The following GFRA1 variants were observed in gnomAD, a reference collection of about 807,000 sequenced individuals.
GFRA1 encodes GDNF family receptor alpha-1.
Under a neutral mutation model 51.6 loss-of-function variants are expected in GFRA1, and 16 were observed. The ratio of observed to expected loss-of-function variants is 0.31; its 90% CI spans 0.21 to 0.47. The LOEUF is 0.47. GFRA1 is among the 20% of genes least tolerant of loss of function. The pLI is 1.00. For missense variants in GFRA1, 530 were observed against 594.3 expected (o/e 0.89, Z 1.13); for synonymous variants, 270 against 241.3 (o/e 1.12, Z -1.10).
chr10:116,062,500 A>G lies in GFRA1; in HGVS notation c.*1898T>C, dbSNP rs1954864576. The G allele has an allele frequency of 5.8e-6, 1 of 170,942 alleles. No homozygotes were observed. Among genetic ancestry groups the G allele is most frequent in the African/African-American group, 2.4e-5 (1 of 42,310 alleles). 10.6% of individuals were successfully genotyped at this position (170,942 alleles called of 1,614,324 possible). ...ATTTGGACACAAATATACTTTTAACACCAATAGAGCTGAAAGACTATGCCT... is the reference window on the plus strand; with the variant it reads ...ATTTGGACACAAATATACTTTTAACGCCAATAGAGCTGAAAGACTATGCCT... On this transcript the variant is annotated 3_prime_UTR_variant, in exon 11 of 11. Coordinates refer to ENST00000355422, the MANE Select transcript of GFRA1 (RefSeq NM_005264.8).
In GFRA1 at chr10:116,064,013, A is replaced by G. The variant is rs192611657; in HGVS notation, c.*385T>C. ...AATATTAACTCCTTCTCTAGCTAGG[A>G]AAGGCCAGAAGTAAAACTGTTAAAA... On this transcript the variant is annotated 3_prime_UTR_variant, in exon 11 of 11. Transcript: ENST00000355422. The G allele has an allele frequency of 5.3e-4, 100 of 189,818 alleles. No homozygotes were observed. Among genetic ancestry groups the G allele is most frequent in the Non-Finnish European group, 8.7e-4 (80 of 91,502 alleles). The allele number at this position is 189,818 out of a possible 1,614,324, so 11.8% of individuals were successfully genotyped here.
rs369591479 is a variant in GFRA1, at chr10:116,113,516, T to G, written c.770+11705A>C. Among the ~76,000 whole-genome samples, 263 of 152,336 alleles carry G rather than the reference T, an allele frequency of 1.7e-3. 1 individual carries two copies. The highest frequency in any genetic ancestry group is 6.0e-3 in the African/African-American group (249 of 41,578). ...CCAAAGGTCCCTTACTTTAAAATTT[T>G]TGTTTTAACATAAATAAGAAGTAAA... is the stretch of plus-strand genomic sequence containing the variant. On this transcript the variant is annotated intron_variant, in intron 6 of 10. Coordinates refer to ENST00000355422, the MANE Select transcript of GFRA1 (RefSeq NM_005264.8).
At chr10:116,150,518 C>T (rs1337259080) in intron 5 of GFRA1, among the ~76,000 whole-genome samples, 2 of 152,146 alleles carry the variant, frequency 1.3e-5, no homozygotes, top group African/African-American at 4.8e-5. Flanking sequence ...AACGGTTTCC[C>T]ATGTAACTGT....
chr10:116,229,209 A>G (rs1171662792), intron 4 of GFRA1, among the ~76,000 whole-genome samples: 1 of 152,132 alleles, frequency 6.6e-6, no homozygotes, highest in African/African-American at 2.4e-5. Context: ...CAGAAGCAGT[A>G]GGAAATTAAT....
chr10:116,195,071 A>G (rs1963616271), intron 5 of GFRA1, among the ~76,000 whole-genome samples: 1 of 152,136 alleles, frequency 6.6e-6, no homozygotes. Context: ...TTTCAGTAAA[A>G]CTTTATTTAC....
In GFRA1 at chr10:116,149,218, T is replaced by A. The variant is rs146691143; in HGVS notation, c.434-23661A>T. Among the ~76,000 whole-genome samples, 69 of 152,268 alleles carry A rather than the reference T, an allele frequency of 4.5e-4. No individual in the cohort carries two copies. The East Asian group carries it at 0.01, about 22-fold the overall frequency. On this transcript the variant is annotated intron_variant, in intron 5 of 10. Coordinates refer to ENST00000355422, the MANE Select transcript of GFRA1 (RefSeq NM_005264.8). The stretch of plus-strand genomic sequence containing the variant: ...ATAACAATGAAGTCATTACTCTTTA[T>A]CTCCTTGAATTCCAAGAAAGCAAGA...
intron 4 of GFRA1, among the ~76,000 whole-genome samples, chr10:116,239,550 TAAAG>T (rs1168425854): frequency 1.3e-5 from 2 of 152,116 alleles, no homozygotes; most frequent in Admixed American, 6.5e-5. Context: ...TTCAATTAAA[TAAAG>T]AAAGCCAGAT....
At chr10:116,256,809 C>T (rs897602027) in intron 4 of GFRA1, among the ~76,000 whole-genome samples, 5 of 152,298 alleles carry the variant, frequency 3.3e-5, no homozygotes, top group East Asian at 1.9e-4. Context: ...ACAAAATAAA[C>T]GAATAAATAA....
chr10:116,246,008 G>A (rs1967837188), intron 4 of GFRA1, among the ~76,000 whole-genome samples: 1 of 152,170 alleles, frequency 6.6e-6, no homozygotes, highest in Non-Finnish European at 1.5e-5. Context: ...TGGATACATG[G>A]CACTGTACAT....
chr10:116,272,075 G>A lies in GFRA1; in HGVS notation c.-46C>T, dbSNP rs1034057955. 5.7e-5 allele frequency: 85 copies of A among 1,498,544 alleles called. No homozygotes were observed. The highest frequency in any genetic ancestry group is 7.6e-5 in the Non-Finnish European group (84 of 1,101,226). 92.8% of individuals were successfully genotyped at this position (1,498,544 alleles called of 1,614,324 possible). A position where few individuals can be genotyped will look rare whatever the true frequency, so the allele number is the denominator to read the frequency against. On this transcript the variant is annotated 5_prime_UTR_variant, in exon 2 of 11. Transcript: ENST00000355422. The surrounding 1 kb of genome is among the most constrained non-coding windows in gnomAD (Gnocchi z 4.4). ...CCCCGCCCCCCCAAAAAAATCCCGA[G>A]CCGCCGCTGGGTCTTGCCGAGGGAG...
chr10:116,195,870 A>G (rs527904179), intron 5 of GFRA1, among the ~76,000 whole-genome samples: 4 of 152,254 alleles, frequency 2.6e-5, no homozygotes, highest in African/African-American at 9.6e-5. Flanking sequence ...TCCCCGTTTG[A>G]TTTGGGGTGG....
chr10:116,067,794 T>G (rs559353696), intron 9 of GFRA1, among the ~76,000 whole-genome samples: 78 of 152,300 alleles, frequency 5.1e-4, no homozygotes, highest in African/African-American at 1.8e-3. Flanking sequence ...ATTTATAAGC[T>G]TTCAACCAGG....
At chr10:116,122,057 G>C (rs1957666985) in intron 6 of GFRA1, among the ~76,000 whole-genome samples, 1 of 152,140 alleles carries the variant, frequency 6.6e-6, no homozygotes, top group African/African-American at 2.4e-5. Flanking sequence ...AGAAATTATG[G>C]GCTAAATCAC....
At position 116,125,278 on chromosome 10, in the gene GFRA1, C is replaced by G. The variant is rs1384211896; in HGVS notation, c.713G>C (p.Arg238Thr). ...CAAATTCAAACAGTTGGGCTTCTCC[C>G]TCTCTTCATAGGAGCACACAGGCAC... ...TIVPVCSYEE[R>T]EKPNCLNLQD... is the part of the protein sequence containing the mutation. The change falls in exon 6 of 11, where the codon AGG becomes ACG. Residue 238 changes from arginine to threonine, a missense_variant. Physicochemically the swap from Arg to Thr is moderately conservative, Grantham distance 71 (BLOSUM62 -1). Coordinates refer to ENST00000355422, the MANE Select transcript of GFRA1 (RefSeq NM_005264.8). 7 of 1,614,100 alleles carry G rather than the reference C, an allele frequency of 4.3e-6. No individual in the cohort carries two copies. Among genetic ancestry groups the G allele is most frequent in the Non-Finnish European group, 5.9e-6 (7 of 1,180,046 alleles).
intron 4 of GFRA1, among the ~76,000 whole-genome samples, chr10:116,261,509 A>T (rs907976062): frequency 2.6e-5 from 4 of 151,890 alleles, no homozygotes; most frequent in Admixed American, 2.6e-4. Flanking sequence ...TCCTACTCTC[A>T]TTTTCTCTTT....
intron 5 of GFRA1, among the ~76,000 whole-genome samples, chr10:116,181,841 C>T (rs555444779): frequency 2.4e-4 from 37 of 152,228 alleles, no homozygotes; most frequent in African/African-American, 7.9e-4. Context: ...GATAGGGTTT[C>T]GCTGTGTTAG....
chr10:116,145,540 T>A (rs1401756227), intron 5 of GFRA1, among the ~76,000 whole-genome samples: 1 of 152,228 alleles, frequency 6.6e-6, no homozygotes, highest in Non-Finnish European at 1.5e-5. Flanking sequence ...AGAAGGGTGA[T>A]CTTTAGTTTT....
intron 4 of GFRA1, among the ~76,000 whole-genome samples, chr10:116,262,784 G>A (rs1243053354): frequency 2.0e-5 from 3 of 152,166 alleles, no homozygotes; most frequent in East Asian, 3.9e-4. Flanking sequence ...CTTTGCAGAC[G>A]GAAGCATCTC....
chr10:116,128,097 T>C (rs11597916), intron 5 of GFRA1, among the ~76,000 whole-genome samples: 54,550 of 152,034 alleles, frequency 0.36, 10,051 homozygotes, highest in East Asian at 0.41. Flanking sequence ...TACATGGCAC[T>C]CAGTAATACA....
Sources: gnomAD v4.1 joint callset for allele counts (sites outside exome capture counted in the v4.1 genomes callset) on GRCh38, gnomAD v4.1.1 for gene constraint, Gnocchi (gnomAD v3.1) non-coding constraint, MANE v1.5 for transcripts, NCBI Gene and HGNC (gene_info 2026-07-23, HGNC 2026-07-21) for gene names.